MAP2: variants seen among roughly 807,000 people sequenced by gnomAD.
MAP2 encodes microtubule associated protein 2, also known as microtubule-associated protein 2.
Under a neutral mutation model 137.6 loss-of-function variants are expected in MAP2, and 14 were observed. The observed-to-expected ratio is 0.10, with a 90% CI of 0.07 to 0.16. The LOEUF (loss-of-function observed/expected upper bound fraction) is 0.16, where lower values mean the gene tolerates loss of function less well. Among genes scored for constraint, MAP2 ranks in the 10% least tolerant of loss-of-function variants. The pLI, the probability that MAP2 is intolerant of heterozygous loss-of-function variation, is 1.00. For missense variants in MAP2, 2,088 were observed against 2,191.5 expected, an observed-to-expected ratio of 0.95 and a Z score of 0.94; for synonymous variants, 786 against 782.3, an observed-to-expected ratio of 1.00 and a Z score of -0.08.
rs542654131 is a variant in MAP2, at chr2:209,525,613, T to C, written c.-172+17972T>C. Among the ~76,000 whole-genome samples, 6 of 152,222 alleles carry C rather than the reference T, an allele frequency of 3.9e-5. No individual in the cohort carries two copies. In the East Asian group the frequency reaches 1.2e-3, roughly 29 times the overall value. The stretch of plus-strand genomic sequence containing the variant: ...ATAATTCTGCCTCTGGAAAAAGATA[T>C]CATAGTGTAGTTATATAGAAATTAC... On this transcript the variant is annotated intron_variant, in intron 2 of 15. Coordinates refer to ENST00000682079, the MANE Select transcript of MAP2 (RefSeq NM_001375505.1).
intron 12 of MAP2, among the ~76,000 whole-genome samples, chr2:209,707,314 A>T (rs2063751909): frequency 6.6e-6 from 1 of 152,168 alleles, no homozygotes; most frequent in African/African-American, 2.4e-5. Context: ...GTATTATTTG[A>T]TAGTGAACAT....
intron 4 of MAP2, among the ~76,000 whole-genome samples, chr2:209,626,139 C>T (rs1014983748): frequency 6.6e-6 from 1 of 151,896 alleles, no homozygotes; most frequent in Non-Finnish European, 1.5e-5. Flanking sequence ...TATTATAGGC[C>T]GGGTGTGGTG....
intron 4 of MAP2, among the ~76,000 whole-genome samples, chr2:209,631,128 G>A (rs2093002914): frequency 1.3e-5 from 2 of 150,174 alleles, no homozygotes. Flanking sequence ...CATTTCAGGT[G>A]CAAAGTTAGC....
rs1372597773 is a variant in MAP2 at position 209,695,100 on chromosome 2, C to G, written c.2930C>G (p.Ala977Gly). Residue 977 changes from alanine to glycine, a missense_variant, in exon 8 of 16, where the codon GCC (alanine) becomes GGC (glycine). Around this residue, in one of 6 missense-constraint regions of MAP2, gnomAD observed 500 missense variants for 482.9 expected, o/e 1.04. Coordinates refer to ENST00000682079, the MANE Select transcript of MAP2 (RefSeq NM_001375505.1). The part of the protein sequence containing the change: ...SEEHADSKEH[A>G]KKTEEAGDEI... ...GAACATGCTGATTCAAAAGAACATG[C>G]CAAGAAAACTGAAGAGGCTGGTGAT... The G allele has an allele frequency of 6.2e-7, 1 of 1,614,012 alleles. No homozygotes were observed. Among genetic ancestry groups the G allele is most frequent in the Non-Finnish European group, 8.5e-7 (1 of 1,179,996 alleles).
At chr2:209,651,762 A>T (rs1223313608) in intron 4 of MAP2, among the ~76,000 whole-genome samples, 1 of 152,196 alleles carries the variant, frequency 6.6e-6, no homozygotes, top group East Asian at 1.9e-4. Flanking sequence ...GCTGCAGTCA[A>T]ATTGGCTTAA....
chr2:209,689,826 G>A (rs2058318661), intron 7 of MAP2, among the ~76,000 whole-genome samples: 1 of 152,172 alleles, frequency 6.6e-6, no homozygotes, highest in African/African-American at 2.4e-5. Flanking sequence ...TTGTGTCCCA[G>A]AGGTAGACTT....
At position 209,694,053 on chromosome 2, in the gene MAP2, C is replaced by T. The variant is rs1439432353; in HGVS notation, c.1883C>T (p.Pro628Leu). Residue 628 changes from proline (P) to leucine (L), a missense_variant, in exon 8 of 16, where the codon CCC becomes CTC. This residue lies in a region of MAP2 where 859 missense variants were observed against 794.5 expected (regional missense o/e 1.08). Transcript: ENST00000682079. ...TTTCAAACAGGAAAAGAATCCCAGC[C>T]CAGTCCTCCAGCACAAGAAGCAGGG... is the stretch of plus-strand genomic sequence containing the variant. ...KEFQTGKESQ[P>L]SPPAQEAGYS... The T allele has an allele frequency of 2.5e-6, 4 of 1,613,218 alleles. No homozygotes were observed. The highest frequency in any genetic ancestry group is 1.6e-4 in the Middle Eastern group (1 of 6,074).
At chr2:209,721,877 T>C (rs894461264) in intron 13 of MAP2, 8 of 152,272 alleles carry the variant, frequency 5.3e-5, no homozygotes, top group African/African-American at 1.9e-4. Flanking sequence ...TAGATACTTA[T>C]TGAGAATCCT....
At chr2:209,491,704 A>C (rs1252428862) in intron 1 of MAP2, among the ~76,000 whole-genome samples, 2 of 152,208 alleles carry the variant, frequency 1.3e-5, no homozygotes, top group African/African-American at 4.8e-5. Context: ...GAAGAAATGG[A>C]TACATTTCTG....
chr2:209,634,103 G>A (rs1311596699), intron 4 of MAP2, among the ~76,000 whole-genome samples: 1 of 152,144 alleles, frequency 6.6e-6, no homozygotes, highest in East Asian at 1.9e-4. Context: ...TTCAGGAAGA[G>A]CTGCAGGAAA....
chr2:209,719,497 T>A (rs2069239538), intron 13 of MAP2, among the ~76,000 whole-genome samples: 1 of 152,240 alleles, frequency 6.6e-6, no homozygotes, highest in African/African-American at 2.4e-5. Flanking sequence ...TCTTTCATTT[T>A]ACGTTTCTTA....
intron 11 of MAP2, chr2:209,704,320 A>G (rs776571272): frequency 1.9e-5 from 14 of 722,704 alleles, no homozygotes; most frequent in Non-Finnish European, 3.1e-5. Flanking sequence ...ATCATTGATT[A>G]TAACCATTTA....
At chr2:209,716,060 C>T (rs2067462969) in intron 13 of MAP2, among the ~76,000 whole-genome samples, 1 of 152,036 alleles carries the variant, frequency 6.6e-6, no homozygotes, top group African/African-American at 2.4e-5. Flanking sequence ...CTGATATTGT[C>T]GCAATTGTTA....
chr2:209,644,670 C>CAAAA (rs68166330), intron 4 of MAP2, among the ~76,000 whole-genome samples: 9 of 68,576 alleles, frequency 1.3e-4, no homozygotes, highest in African/African-American at 3.7e-4. Flanking sequence ...GACCCTGTCT[C>CAAAA]AAAAAAAAAA....
intron 1 of MAP2, among the ~76,000 whole-genome samples, chr2:209,467,314 T>C (rs1403845914): frequency 6.6e-6 from 1 of 152,164 alleles, no homozygotes; most frequent in Non-Finnish European, 1.5e-5. Context: ...CGCCAGAAGA[T>C]GCTTTCCAAA....
intron 7 of MAP2, among the ~76,000 whole-genome samples, chr2:209,691,223 A>G (rs917370586): frequency 6.6e-6 from 1 of 151,940 alleles, no homozygotes; most frequent in South Asian, 2.1e-4. Context: ...AGCAATTCAT[A>G]TGCTTTTATT....
At chr2:209,688,932 A>C (rs2058011816) in intron 7 of MAP2, among the ~76,000 whole-genome samples, 1 of 152,212 alleles carries the variant, frequency 6.6e-6, no homozygotes, top group South Asian at 2.1e-4. Context: ...TCTCTGATAA[A>C]GAAATATAAC....
intron 1 of MAP2, among the ~76,000 whole-genome samples, chr2:209,481,617 A>G (rs1459655259): frequency 1.3e-5 from 2 of 152,144 alleles, no homozygotes; most frequent in Non-Finnish European, 2.9e-5. Flanking sequence ...AATCACATAA[A>G]ATTGGCTCCC....
chr2:209,669,316 A>G (rs1050662389), intron 5 of MAP2, among the ~76,000 whole-genome samples: 9 of 152,178 alleles, frequency 5.9e-5, no homozygotes, highest in African/African-American at 1.9e-4. Context: ...TATTTTGAAC[A>G]AAGTGATTTT....
Sources: gnomAD v4.1 joint callset for allele counts (sites outside exome capture counted in the v4.1 genomes callset) on GRCh38, gnomAD v4.1.1 for gene constraint, gnomAD v4.1.1 regional missense constraint, MANE v1.5 for transcripts, NCBI Gene and HGNC (gene_info 2026-07-23, HGNC 2026-07-21) for gene names.